The following SEMA6A variants were observed in gnomAD, a reference collection of about 807,000 sequenced individuals.
The protein encoded by SEMA6A is semaphorin 6A.
In SEMA6A, 25 loss-of-function variants were observed where a neutral mutation model predicts 96.8. That is an observed-to-expected ratio of 0.26 (90% confidence interval 0.19 to 0.36). The LOEUF is 0.36. SEMA6A is among the 10% of genes least tolerant of loss of function. The probability of loss-of-function intolerance (pLI) is 1.00; values close to 1 mark genes in which losing one functional copy is unlikely to be tolerated. For missense variants in SEMA6A, 1,363 were observed against 1,323.1 expected, an observed-to-expected ratio of 1.03 and a Z score of -0.47; for synonymous variants, 612 against 518.0, an observed-to-expected ratio of 1.18 and a Z score of -2.46.
chr5:116,447,532 G>A lies in SEMA6A; in HGVS notation c.2174C>T (p.Pro725Leu), dbSNP rs1754312964. 1.2e-6 allele frequency: 2 copies of A among 1,614,084 alleles called. No homozygotes were observed. The highest frequency in any genetic ancestry group is 1.7e-6 in the Non-Finnish European group (2 of 1,179,912). Residue 725 changes from proline to leucine, a missense_variant, in exon 19 of 19, where the codon CCA (proline) becomes CTA (leucine). Pro to Leu is a moderately conservative substitution (Grantham distance 98). Around this residue, in one of 2 missense-constraint regions of SEMA6A, gnomAD observed 883 missense variants for 763.6 expected, o/e 1.16. Transcript: ENST00000343348. ...GGCGAGCTTGCCGTTGTGCATGAGTGGCGTGAGGATGGCCTCCGGCTTTGG... is the reference window on the plus strand; with the variant it reads ...GGCGAGCTTGCCGTTGTGCATGAGTAGCGTGAGGATGGCCTCCGGCTTTGG... ...KDPKPEAILT[P>L]LMHNGKLATP...
chr5:116,480,411 A>T (rs1756691409), intron 11 of SEMA6A, 134 bp from the exon 12 acceptor site: 1 of 1,034,888 alleles, frequency 9.7e-7, no homozygotes, highest in Admixed American at 2.2e-5. Flanking sequence ...AAGTTGAACA[A>T]TGCAGAATGC....
chr5:116,472,576 G>A (rs1325235181), intron 17 of SEMA6A: 1 of 289,656 alleles, frequency 3.5e-6, no homozygotes, highest in Non-Finnish European at 6.3e-6. Flanking sequence ...CTTTGTCTTG[G>A]ATATACTTAT....
intron 1 of SEMA6A, among the ~76,000 whole-genome samples, chr5:116,518,834 A>G (rs962439584): frequency 6.6e-6 from 1 of 152,202 alleles, no homozygotes; most frequent in African/African-American, 2.4e-5. Context: ...GAGAAGGAAA[A>G]TACACACCTA....
chr5:116,460,899 C>T (rs1755354752), intron 18 of SEMA6A, among the ~76,000 whole-genome samples: 1 of 151,544 alleles, frequency 6.6e-6, no homozygotes, highest in African/African-American at 2.4e-5. Context: ...AATTCCCTTG[C>T]CTCAGCTTCC....
chr5:116,461,964 G>A lies in SEMA6A; in HGVS notation c.1894+5619C>T, dbSNP rs1197423559. Among the ~76,000 whole-genome samples, 3 of 152,148 alleles carry A rather than the reference G, an allele frequency of 2.0e-5. No homozygotes were observed. The East Asian group carries it at 5.8e-4, about 29-fold the overall frequency. On this transcript the variant is annotated intron_variant, in intron 18 of 18. Coordinates refer to ENST00000343348, the MANE Select transcript of SEMA6A (RefSeq NM_020796.5). The stretch of plus-strand genomic sequence containing the variant: ...TTTTGTTAACGGTAATATTACTGAA[G>A]AAATGGCAGAGAAAATTAAGCCCAA...
intron 3 of SEMA6A, among the ~76,000 whole-genome samples, chr5:116,499,546 A>C (rs970453566): frequency 1.3e-5 from 2 of 152,186 alleles, no homozygotes; most frequent in African/African-American, 4.8e-5. Context: ...GGAAGTGTAA[A>C]AATAAAGTGT....
chr5:116,475,362 CA>C (rs1160958928), intron 16 of SEMA6A, among the ~76,000 whole-genome samples, 182 bp downstream of exon 16: 2 of 152,178 alleles, frequency 1.3e-5, no homozygotes, highest in Non-Finnish European at 2.9e-5. Context: ...ATAGTGACAA[CA>C]TTGACAACAC....
intron 18 of SEMA6A, among the ~76,000 whole-genome samples, chr5:116,453,084 A>G (rs1754752098): frequency 6.6e-6 from 1 of 152,338 alleles, no homozygotes; most frequent in Middle Eastern, 3.4e-3. Context: ...TGGAGCAGAG[A>G]GAGCAACAAG....
chr5:116,503,788 TACAGGCGTA>T (rs1758013801), intron 2 of SEMA6A, among the ~76,000 whole-genome samples: 1 of 152,124 alleles, frequency 6.6e-6, no homozygotes, highest in East Asian at 1.9e-4. Flanking sequence ...GTGCTGGGAT[TACAGGCGTA>T]AGCCACCGCG....
intron 6 of SEMA6A, among the ~76,000 whole-genome samples, chr5:116,493,194 T>A (rs1424135332): frequency 6.6e-6 from 1 of 152,228 alleles, no homozygotes; most frequent in East Asian, 1.9e-4. Flanking sequence ...GCCAGACCAT[T>A]CATGGCCTGT....
chr5:116,458,951 G>A (rs1434840011), intron 18 of SEMA6A, among the ~76,000 whole-genome samples: 8 of 152,052 alleles, frequency 5.3e-5, no homozygotes, highest in Admixed American at 5.2e-4. Flanking sequence ...TGAGAGCCCA[G>A]CACCTGACTT....
intron 1 of SEMA6A, among the ~76,000 whole-genome samples, chr5:116,510,671 C>T (rs1397518252): frequency 1.3e-5 from 2 of 152,162 alleles, no homozygotes; most frequent in East Asian, 3.8e-4. Flanking sequence ...TAGTGTTCTA[C>T]TGCTTCAGTG....
chr5:116,485,567 C>T (rs188120189), intron 10 of SEMA6A, among the ~76,000 whole-genome samples: 27 of 152,286 alleles, frequency 1.8e-4, no homozygotes, highest in Admixed American at 1.6e-3. Flanking sequence ...GACTCTCATC[C>T]GCTGTATAAT....
chr5:116,492,140 C>T (rs982855399), intron 6 of SEMA6A, among the ~76,000 whole-genome samples: 1 of 152,122 alleles, frequency 6.6e-6, no homozygotes, highest in Non-Finnish European at 1.5e-5. Flanking sequence ...TGAACTCTGA[C>T]AGACTCTGTG....
At chr5:116,452,418 A>G (rs1477695575) in intron 18 of SEMA6A, among the ~76,000 whole-genome samples, 1 of 144,424 alleles carries the variant, frequency 6.9e-6, no homozygotes, top group Non-Finnish European at 1.5e-5. Context: ...TAGAATCTCC[A>G]CTGTTTTTTT....
chr5:116,485,895 TG>T (rs1757028183), intron 10 of SEMA6A, among the ~76,000 whole-genome samples: 1 of 152,210 alleles, frequency 6.6e-6, no homozygotes, highest in Admixed American at 6.5e-5. Context: ...AACAGAGAGC[TG>T]AGTACTAAGG....
intron 1 of SEMA6A, among the ~76,000 whole-genome samples, chr5:116,533,570 G>A (rs1330707490): frequency 2.0e-5 from 3 of 152,176 alleles, no homozygotes; most frequent in South Asian, 4.2e-4. Context: ...GGAGCGAGGC[G>A]GCACTGTCAG....
At chr5:116,497,109 T>C (rs1242697047) in intron 4 of SEMA6A, among the ~76,000 whole-genome samples, 1 of 152,248 alleles carries the variant, frequency 6.6e-6, no homozygotes, top group Non-Finnish European at 1.5e-5. Context: ...AAAATGTATA[T>C]GTACACATAT....
chr5:116,463,140 G>C (rs191004082), intron 18 of SEMA6A, among the ~76,000 whole-genome samples: 6 of 152,298 alleles, frequency 3.9e-5, no homozygotes, highest in Admixed American at 2.0e-4. Context: ...AAAAGAGATA[G>C]TAGCAAGTTT....
Sources: allele counts gnomAD v4.1 joint callset (sites outside exome capture counted in the v4.1 genomes callset), GRCh38; gene constraint gnomAD v4.1.1; regional missense constraint gnomAD v4.1.1; transcripts MANE v1.5; gene names NCBI Gene and HGNC (gene_info 2026-07-23, HGNC 2026-07-21).